ALPK1: variants seen among roughly 807,000 people sequenced by gnomAD.
The protein encoded by ALPK1 is alpha kinase 1.
In ALPK1, 110 loss-of-function variants were observed where a neutral mutation model predicts 120.6. The ratio of observed to expected loss-of-function variants is 0.91; its 90% CI spans 0.78 to 1.07. The LOEUF (loss-of-function observed/expected upper bound fraction) is 1.07, where lower values mean the gene tolerates loss of function less well. Among genes scored for constraint, ALPK1 ranks in the 50% least tolerant of loss-of-function variants. The pLI is 0.00. For missense variants in ALPK1, 1,498 were observed against 1,483.9 expected (o/e 1.01, Z -0.16); for synonymous variants, 582 against 560.3 (o/e 1.04, Z -0.55).
intron 2 of ALPK1, among the ~76,000 whole-genome samples, chr4:112,341,160 C>G (rs1001604462): frequency 5.3e-5 from 8 of 152,130 alleles, no homozygotes; most frequent in African/African-American, 1.9e-4. Context: ...AAGGGTTTGT[C>G]TCTGTAGACA....
intron 4 of ALPK1, among the ~76,000 whole-genome samples, chr4:112,405,821 C>T (rs577064009): frequency 5.3e-5 from 8 of 152,252 alleles, no homozygotes; most frequent in South Asian, 4.1e-4. Context: ...ATGATTCACC[C>T]GCCTCGGCCT....
intron 2 of ALPK1, among the ~76,000 whole-genome samples, chr4:112,360,393 T>C (rs1007016292): frequency 2.6e-5 from 4 of 152,324 alleles, no homozygotes; most frequent in South Asian, 4.1e-4. Context: ...AATATGGAAG[T>C]GCAGAAATCT....
intron 4 of ALPK1, among the ~76,000 whole-genome samples, chr4:112,385,658 T>C (rs929192893): frequency 8.5e-5 from 13 of 152,240 alleles, no homozygotes; most frequent in African/African-American, 2.9e-4. Context: ...CTAAAATCTA[T>C]TTTTAATATC....
intron 1 of ALPK1, among the ~76,000 whole-genome samples, chr4:112,307,078 T>G (rs1428223525): frequency 2.2e-4 from 34 of 152,258 alleles, no homozygotes; most frequent in South Asian, 6.2e-4. Context: ...AGTTTCTTAA[T>G]CCTGAGTTTT....
At chr4:112,319,888 A>T (rs1183569838) in intron 2 of ALPK1, among the ~76,000 whole-genome samples, 1 of 152,164 alleles carries the variant, frequency 6.6e-6, no homozygotes, top group Non-Finnish European at 1.5e-5. Context: ...TGTGTACATT[A>T]ATTTTGTATC....
chr4:112,358,583 TG>T, intron 2 of ALPK1: 4 of 717,590 alleles, frequency 5.6e-6, no homozygotes, highest in Non-Finnish European at 5.0e-6. Context: ...GCAGAGGCCC[TG>T]GGGGCTGCTG....
At chr4:112,408,765 C>T (rs1053627354) in intron 4 of ALPK1, among the ~76,000 whole-genome samples, 1 of 152,124 alleles carries the variant, frequency 6.6e-6, no homozygotes. Context: ...TCAGCCACTG[C>T]GCTCAGCCAA....
chr4:112,332,248 C>T (rs959935967), intron 2 of ALPK1, among the ~76,000 whole-genome samples: 2 of 152,086 alleles, frequency 1.3e-5, no homozygotes, highest in Non-Finnish European at 2.9e-5. Flanking sequence ...GGAAGAATAC[C>T]AGTTAATTTG....
rs369696279 is a variant in ALPK1 at position 112,330,710 on chromosome 4, C to T, written c.-101+14858C>T. ...GTACCCATGCCTTATGTCTTCCAGC[C>T]GGCTCTAAAACAGAATGTGTAATAG... On this transcript the variant is annotated intron_variant, in intron 2 of 15. Transcript: ENST00000650871. Among the ~76,000 whole-genome samples the T allele has an allele frequency of 1.4e-4, 22 of 152,244 alleles. 1 individual carries two copies. Among genetic ancestry groups the T allele is most frequent in the African/African-American group, 4.8e-4 (20 of 41,540 alleles).
At chr4:112,373,963 T>A (rs1157834228) in intron 2 of ALPK1, among the ~76,000 whole-genome samples, 1 of 152,218 alleles carries the variant, frequency 6.6e-6, no homozygotes, top group African/African-American at 2.4e-5. Context: ...TCAATGTTGA[T>A]GGTTGCTGAC....
intron 2 of ALPK1, chr4:112,358,398 C>A (rs528656439): frequency 3.2e-6 from 2 of 623,576 alleles, no homozygotes; most frequent in South Asian, 3.6e-5. Context: ...TTGCGTGAGG[C>A]AGAAGATGCT....
chr4:112,363,173 A>T (rs930451250), intron 2 of ALPK1, among the ~76,000 whole-genome samples: 3 of 152,254 alleles, frequency 2.0e-5, no homozygotes, highest in South Asian at 2.1e-4. Context: ...AAACCGTAAC[A>T]TAATGGAAAA....
rs1400529550 is a variant in ALPK1, at chr4:112,432,477, C to A, written c.2930C>A (p.Pro977His). Residue 977 changes from proline to histidine, a missense_variant, in exon 11 of 16, where the codon CCT becomes CAT. By Grantham distance (77) the Pro-to-His change is moderately conservative. Transcript: ENST00000650871. ...KEILEARTLQ[P>H]DDFEKLLAGV... ...ATCCTTGAGGCTCGCACCTTGCAAC[C>A]TGATGACTTTGAAAAGCTGTTGGCA... 6.2e-7 allele frequency: 1 copy of A among 1,614,026 alleles called. No individual in the cohort carries two copies. Among genetic ancestry groups the A allele is most frequent in the Non-Finnish European group, 8.5e-7 (1 of 1,180,040 alleles).
chr4:112,356,211 C>T, intron 2 of ALPK1: 1 of 1,599,512 alleles, frequency 6.3e-7, no homozygotes, highest in Non-Finnish European at 8.6e-7. Context: ...GAGTACATGA[C>T]CAAGGTCCTG....
intron 4 of ALPK1, among the ~76,000 whole-genome samples, chr4:112,403,985 G>A (rs559896554): frequency 3.9e-5 from 6 of 152,350 alleles, no homozygotes; most frequent in South Asian, 2.1e-4. Flanking sequence ...CTCCATTGGC[G>A]ACAGCCAAAA....
intron 14 of ALPK1, among the ~76,000 whole-genome samples, chr4:112,440,155 C>T (rs917344138): frequency 2.6e-5 from 4 of 152,098 alleles, no homozygotes; most frequent in African/African-American, 9.7e-5. Flanking sequence ...TTTTATTTCA[C>T]TTAAGTAGAT....
chr4:112,395,891 T>C (rs1057085004), intron 4 of ALPK1, among the ~76,000 whole-genome samples: 1 of 152,326 alleles, frequency 6.6e-6, no homozygotes, highest in South Asian at 2.1e-4. Context: ...TTATGAGGCA[T>C]CATTTGTTGA....
intron 2 of ALPK1, among the ~76,000 whole-genome samples, chr4:112,344,238 C>G (rs747385317): frequency 6.6e-6 from 1 of 150,600 alleles, no homozygotes; most frequent in African/African-American, 2.4e-5. Flanking sequence ...TTATCTCTTA[C>G]TAGACAAAAC....
At chr4:112,349,559 C>CCA (rs1730252856) in intron 2 of ALPK1, among the ~76,000 whole-genome samples, 1 of 145,582 alleles carries the variant, frequency 6.9e-6, no homozygotes, top group African/African-American at 2.6e-5. Flanking sequence ...CTGCCCCCCC[C>CCA]CGCTTTATTT....
Sources: allele counts gnomAD v4.1 joint callset (sites outside exome capture counted in the v4.1 genomes callset), GRCh38; gene constraint gnomAD v4.1.1; transcripts MANE v1.5; gene names NCBI Gene and HGNC (gene_info 2026-07-23, HGNC 2026-07-21).